The following LIG1 variants were observed in gnomAD, a reference collection of about 807,000 sequenced individuals.
The protein encoded by LIG1 is ligase I, DNA, ATP-dependent.
LIG1 carries 70 observed loss-of-function variants against 115.7 expected under a neutral mutation model. The observed-to-expected ratio is 0.60, with a 90% CI of 0.50 to 0.74. LIG1 has a LOEUF of 0.74. Among genes scored for constraint, LIG1 ranks in the 30% least tolerant of loss-of-function variants. The pLI is 0.00. For synonymous variants in LIG1, 487 were observed against 495.3 expected (o/e 0.98, Z 0.22); for missense variants, 1,115 against 1,225.6 (o/e 0.91, Z 1.35).
intron 19 of LIG1, among the ~76,000 whole-genome samples, chr19:48,130,690 AG>A (rs962255121): frequency 9.8e-5 from 15 of 152,336 alleles, no homozygotes; most frequent in African/African-American, 3.4e-4. Flanking sequence ...GGAGGTGTCC[AG>A]GAAAGTGTTA....
At chr19:48,156,962 A>AAT in intron 5 of LIG1, 52 bp downstream of exon 5, 2 of 1,295,266 alleles carry the variant, frequency 1.5e-6, no homozygotes, top group Non-Finnish European at 2.1e-6. Flanking sequence ...AAAAAAAAAA[A>AAT]GAGAAAAAGA....
intron 22 of LIG1, 50 bp from the exon 23 acceptor site, chr19:48,123,066 G>C: frequency 1.2e-6 from 2 of 1,610,518 alleles, no homozygotes; most frequent in Non-Finnish European, 1.7e-6. Context: ...GCTCACAAGC[G>C]CCGGAGCAGG....
intron 20 of LIG1, 115 bp from the exon 21 acceptor site, chr19:48,127,463 CA>C: frequency 1.0e-6 from 1 of 959,718 alleles, no homozygotes; most frequent in Non-Finnish European, 1.7e-6. Context: ...ACTGGCTGCC[CA>C]TCTGTGAGGG....
At chr19:48,135,593 GCCC>G in intron 16 of LIG1, 84 bp downstream of exon 16, 2 of 1,028,922 alleles carry the variant, frequency 1.9e-6, no homozygotes, top group South Asian at 2.5e-5. Context: ...CACTTCACTG[GCCC>G]CACCCACTGC....
At chr19:48,149,902 C>G in intron 8 of LIG1, 61 bp from the exon 9 acceptor site, 1 of 1,562,606 alleles carries the variant, frequency 6.4e-7, no homozygotes, top group Non-Finnish European at 8.8e-7. Context: ...CACCTCCCAT[C>G]CATTCTGCAC....
rs766133127 is a variant in LIG1 at position 48,149,791 on chromosome 19, C to A, written c.748G>T (p.Ala250Ser). Residue 250 changes from alanine (A) to serine (S), a missense_variant, in exon 9 of 28, where the codon GCT (alanine) becomes TCT (serine). By Grantham distance (99) the Ala-to-Ser change is moderately conservative. Coordinates refer to ENST00000263274, the MANE Select transcript of LIG1 (RefSeq NM_000234.3). ...TCAGCAGCTCCCTCCTTTCCTGGAG[C>A]CCCTGGCTCCTCTTCCTTCACTTCT... Reference protein sequence around the residue: ...KKEVKEEEPGAPGKEGAAEGP... With the variant: ...KKEVKEEEPGSPGKEGAAEGP... 7 of 1,614,148 alleles carry A rather than the reference C, an allele frequency of 4.3e-6. No individual in the cohort carries two copies. The South Asian group carries it at 6.6e-5, about 15-fold the overall frequency.
Position 48,121,322 on chromosome 19 carries a change from GC to G in LIG1, c.2233-1del. 1 of 1,596,930 alleles carries G rather than the reference GC, an allele frequency of 6.3e-7. No individual in the cohort carries two copies. The highest frequency in any genetic ancestry group is 8.6e-7 in the Non-Finnish European group (1 of 1,168,244). On this transcript the variant is annotated splice_acceptor_variant, in intron 23 of 27. Transcript: ENST00000263274. LOFTEE classifies it high-confidence loss of function. ...ACGCCATCAAGGTAGTCCTTCTTCA[GC>G]TGGGAGAAGGGGAGGCAAGAGATGA...
intron 14 of LIG1, 34 bp downstream of exon 14, chr19:48,136,974 C>T (rs182509753): frequency 2.6e-6 from 4 of 1,553,702 alleles, no homozygotes; most frequent in Non-Finnish European, 3.5e-6. Flanking sequence ...AGCCTGCAGT[C>T]CCCCTCTGTA....
rs530522227 is a variant in LIG1 at position 48,144,012 on chromosome 19, C to T, written c.777-49G>A. On this transcript the variant is annotated intron_variant, in intron 9 of 27. Transcript: ENST00000263274. The stretch of plus-strand genomic sequence containing the variant: ...AATTGCATAGAGCCCTGGGTCAAAG[C>T]AAAGTCATTCCTTCCAACTGTGATG... 9.5e-5 allele frequency: 132 copies of T among 1,396,170 alleles called. No individual in the cohort carries two copies. In the South Asian group the frequency reaches 1.5e-3, roughly 16 times the overall value. The allele number at this position is 1,396,170 out of a possible 1,614,324, so 86.5% of individuals were successfully genotyped here.
intron 12 of LIG1, among the ~76,000 whole-genome samples, chr19:48,139,704 C>T (rs1266707636): frequency 6.6e-6 from 1 of 152,154 alleles, no homozygotes; most frequent in Non-Finnish European, 1.5e-5. Context: ...GTCTCTGCCT[C>T]CAGCATCTTT....
intron 1 of LIG1, chr19:48,169,911 TC>T (rs1555784937): frequency 0.048 from 3,823 of 80,020 alleles, 311 homozygotes; most frequent in African/African-American, 0.17. Flanking sequence ...CACACAGTTT[TC>T]CCCCCCCCGG....
intron 5 of LIG1, among the ~76,000 whole-genome samples, chr19:48,155,038 T>C (rs2386523): frequency 0.51 from 76,731 of 151,886 alleles, 19,609 homozygotes; most frequent in East Asian, 0.68. Flanking sequence ...ATGTGAGGTT[T>C]GGGACATAGC....
chr19:48,135,897 T>TC (rs906767642), intron 15 of LIG1, 118 bp from the exon 16 acceptor site: 216 of 538,238 alleles, frequency 4.0e-4, no homozygotes, highest in Non-Finnish European at 6.4e-4. Flanking sequence ...AGACGCCCCC[T>TC]CCCCCCCACC....
At chr19:48,158,862 C>A (rs2036006750) in intron 4 of LIG1, among the ~76,000 whole-genome samples, 1 of 152,210 alleles carries the variant, frequency 6.6e-6, no homozygotes, top group Non-Finnish European at 1.5e-5. Flanking sequence ...AGTCCCACCA[C>A]AGAGGTGTGA....
intron 21 of LIG1, among the ~76,000 whole-genome samples, chr19:48,126,801 C>T (rs1184082390): frequency 6.8e-6 from 1 of 146,758 alleles, no homozygotes; most frequent in Non-Finnish European, 1.5e-5. Context: ...CCAGGCTGGT[C>T]TTGAACTACT....
At chr19:48,130,984 C>T (rs761136627) in intron 19 of LIG1, 92 bp downstream of exon 19, 178 of 1,004,248 alleles carry the variant, frequency 1.8e-4, no homozygotes, top group Non-Finnish European at 2.5e-4. Context: ...CAATAAACCC[C>T]GCACTGTGCC....
rs145326021 is a variant in LIG1 at position 48,141,825 on chromosome 19, T to C, written c.915-1682A>G. On this transcript the variant is annotated intron_variant, in intron 11 of 27. Transcript: ENST00000263274. ...CATCAGGGAAATCCCTCAGTAATCATTGTAGGCAAAAGCCACCATTGGATG... is the reference window on the plus strand; with the variant it reads ...CATCAGGGAAATCCCTCAGTAATCACTGTAGGCAAAAGCCACCATTGGATG... 3.9e-3 allele frequency among the ~76,000 whole-genome samples: 600 copies of C among 152,228 alleles called. 5 individuals carry two copies. The highest frequency in any genetic ancestry group is 0.014 in the African/African-American group (564 of 41,540).
At chr19:48,131,958 G>A (rs976065948) in intron 18 of LIG1, among the ~76,000 whole-genome samples, 42 of 129,444 alleles carry the variant, frequency 3.2e-4, no homozygotes, top group Non-Finnish European at 5.4e-4. Flanking sequence ...TTTTTTAAAA[G>A]ATGGAGTCTC....
intron 19 of LIG1, among the ~76,000 whole-genome samples, chr19:48,129,510 C>T (rs1324212541): frequency 6.6e-6 from 1 of 152,230 alleles, no homozygotes. Flanking sequence ...AGGCCTGTTA[C>T]ACTCCCAGCC....
Sources: allele counts gnomAD v4.1 joint callset (sites outside exome capture counted in the v4.1 genomes callset), GRCh38; gene constraint gnomAD v4.1.1; transcripts MANE v1.5; gene names NCBI Gene and HGNC (gene_info 2026-07-23, HGNC 2026-07-21).